The following EXOC2 variants were observed in gnomAD, a reference collection of about 807,000 sequenced individuals.
EXOC2 encodes the protein SEC5-like 1.
EXOC2 carries 70 observed loss-of-function variants against 131.8 expected under a neutral mutation model. The ratio of observed to expected loss-of-function variants is 0.53; its 90% CI spans 0.44 to 0.65. EXOC2 has a LOEUF of 0.65. Ranked by LOEUF, EXOC2 falls within the 30% of genes least tolerant of loss-of-function variation. The pLI, the probability that EXOC2 is intolerant of heterozygous loss-of-function variation, is 0.00. For synonymous variants in EXOC2, 411 were observed against 398.4 expected (o/e 1.03, Z -0.38); for missense variants, 923 against 1,108.6 (o/e 0.83, Z 2.38).
intron 4 of EXOC2, among the ~76,000 whole-genome samples, chr6:625,047 G>A (rs1761486348): frequency 6.6e-6 from 1 of 152,208 alleles, no homozygotes; most frequent in East Asian, 1.9e-4. Flanking sequence ...TTCAGTCACG[G>A]ACAATTCCTG....
intron 13 of EXOC2, among the ~76,000 whole-genome samples, chr6:566,497 G>A (rs2127588348): frequency 6.6e-6 from 1 of 152,282 alleles, no homozygotes; most frequent in South Asian, 2.1e-4. Flanking sequence ...CCCACCTAAC[G>A]CACGCCCGCT....
chr6:608,289 G>A (rs1206053609), intron 7 of EXOC2, among the ~76,000 whole-genome samples: 6 of 152,228 alleles, frequency 3.9e-5, no homozygotes, highest in South Asian at 2.1e-4. Context: ...GGCTTAGCAC[G>A]GGGCTTGACA....
rs1029091956 is a variant in EXOC2 at position 506,676 on chromosome 6, C to T, written c.2381-6976G>A. Among the ~76,000 whole-genome samples, 4 of 151,968 alleles carry T rather than the reference C, an allele frequency of 2.6e-5. No homozygotes were observed. The highest frequency in any genetic ancestry group is 5.9e-5 in the Non-Finnish European group (4 of 67,986). ...ACCCACACAGTATCAACCTAGACTA[C>T]TACCACTTAGCAATTAATCTAGTAG... is the stretch of plus-strand genomic sequence containing the variant. On this transcript the variant is annotated intron_variant, in intron 23 of 27. Coordinates refer to ENST00000230449, the MANE Select transcript of EXOC2 (RefSeq NM_018303.6). This position sits in a 1 kb window ranked among gnomAD's most constrained non-coding sequence, Gnocchi z 4.4.
At chr6:656,371 T>C (rs1345454364) in intron 1 of EXOC2, 2 of 1,614,220 alleles carry the variant, frequency 1.2e-6, no homozygotes, top group South Asian at 1.1e-5. Flanking sequence ...GTCTCTATAC[T>C]CAGGGTCATC....
At chr6:631,044 A>T (rs1217178664) in intron 3 of EXOC2, among the ~76,000 whole-genome samples, 1 of 152,216 alleles carries the variant, frequency 6.6e-6, no homozygotes, top group Non-Finnish European at 1.5e-5. Context: ...AAAAAGAGCC[A>T]AGTGCCAGGG....
chr6:560,729 G>A (rs917285349), intron 17 of EXOC2, among the ~76,000 whole-genome samples: 8 of 149,568 alleles, frequency 5.3e-5, no homozygotes, highest in Non-Finnish European at 1.0e-4. Flanking sequence ...TTTTTGAGAT[G>A]AGAGTTTTGC....
At chr6:495,622 C>T (rs1336691410) in intron 25 of EXOC2, among the ~76,000 whole-genome samples, 6 of 152,182 alleles carry the variant, frequency 3.9e-5, no homozygotes, top group Non-Finnish European at 2.9e-5. Context: ...GGAGCTCTTC[C>T]CTAAGCAGTT....
At chr6:656,691 T>G in intron 1 of EXOC2, 1 of 1,606,014 alleles carries the variant, frequency 6.2e-7, no homozygotes, top group Non-Finnish European at 8.5e-7. Context: ...GGACAGGTGC[T>G]CCGCCGTCAG....
chr6:562,856 A>G lies in EXOC2; in HGVS notation c.1790-11T>C. On this transcript the variant is annotated splice_polypyrimidine_tract_variant and intron_variant, in intron 16 of 27. Transcript: ENST00000230449. ...CTAATCTCTTTATTTCTATATGAGA[A>G]GAAGCACACAAATACTTTATTATAA... 1 of 1,563,238 alleles carries G rather than the reference A, an allele frequency of 6.4e-7. No individual in the cohort carries two copies. Among genetic ancestry groups the G allele is most frequent in the Non-Finnish European group, 8.7e-7 (1 of 1,152,112 alleles).
At chr6:586,927 G>A (rs1469226477) in intron 11 of EXOC2, among the ~76,000 whole-genome samples, 2 of 152,164 alleles carry the variant, frequency 1.3e-5, no homozygotes, top group East Asian at 3.8e-4. Context: ...AGAGCTAAAG[G>A]CATCCACAAA....
In EXOC2 at chr6:486,446, A is replaced by AAT. The variant is rs1763053320; in HGVS notation, c.*224_*225insAT. The AAT allele has an allele frequency of 2.2e-6, 1 of 459,910 alleles. No homozygotes were observed. 28.5% of individuals were successfully genotyped at this position (459,910 alleles called of 1,614,324 possible). Reference sequence around the variant, plus strand: ...ATATTTTAAAATGTATTTTAAAGTCATACAGGATCTGATCTAGTAAGAATG... The same window carrying AAT: ...ATATTTTAAAATGTATTTTAAAGTCAATTACAGGATCTGATCTAGTAAGAATG... On this transcript the variant is annotated 3_prime_UTR_variant, in exon 28 of 28. Coordinates refer to ENST00000230449, the MANE Select transcript of EXOC2 (RefSeq NM_018303.6).
intron 2 of EXOC2, 30 bp from the exon 3 acceptor site, chr6:633,147 T>G: frequency 6.2e-7 from 1 of 1,604,214 alleles, no homozygotes. Context: ...CATAACAAAA[T>G]TCAAAGACAA....
chr6:517,547 A>AGCTT (rs1303363387), intron 23 of EXOC2, among the ~76,000 whole-genome samples: 4 of 13,150 alleles, frequency 3.0e-4, no homozygotes, highest in Non-Finnish European at 4.4e-4. Context: ...TAATGAAAAA[A>AGCTT]ACTTAGTGTT....
intron 7 of EXOC2, among the ~76,000 whole-genome samples, chr6:605,003 T>C (rs6911258): frequency 0.68 from 102,693 of 151,840 alleles, 35,788 homozygotes; most frequent in Admixed American, 0.77. Flanking sequence ...TTTGATCACC[T>C]GAATATGTGT....
chr6:680,905 G>T (rs1443997572), intron 1 of EXOC2, among the ~76,000 whole-genome samples: 1 of 152,112 alleles, frequency 6.6e-6, no homozygotes, highest in Admixed American at 6.5e-5. Flanking sequence ...TCAGTGAAAC[G>T]GTGGCCGGGC....
At chr6:579,505 C>T (rs931580090) in intron 11 of EXOC2, among the ~76,000 whole-genome samples, 6 of 152,140 alleles carry the variant, frequency 3.9e-5, no homozygotes, top group Non-Finnish European at 5.9e-5. Context: ...GGAATACATT[C>T]GGAAGATGTA....
At chr6:501,058 ATATATATC>A (rs1390848974) in intron 23 of EXOC2, among the ~76,000 whole-genome samples, 68 of 133,560 alleles carry the variant, frequency 5.1e-4, no homozygotes, top group Admixed American at 3.9e-3. Context: ...ATACATATCT[ATATATATC>A]TATATATCTA....
rs758169425 is a variant in EXOC2 at position 610,102 on chromosome 6, C to G, written c.738G>C (p.Leu246=). The G allele has an allele frequency of 1.4e-5, 23 of 1,613,702 alleles. No individual in the cohort carries two copies. In the South Asian group the frequency reaches 2.4e-4, roughly 17 times the overall value. ...GGGTAGTAGGACAAAACTTACTGTT[C>G]AGAACATTCTCCAGTTTCTGCGTCA... ...GSMTQKLENV[L]NRASNTADTL... is the part of the protein sequence containing the mutation. Residue 246 remains leucine, a synonymous_variant, in exon 7 of 28, where the codon CTG becomes CTC. Coordinates refer to ENST00000230449, the MANE Select transcript of EXOC2 (RefSeq NM_018303.6).
At chr6:688,644 CT>C (rs1276698189) in intron 1 of EXOC2, among the ~76,000 whole-genome samples, 3 of 152,228 alleles carry the variant, frequency 2.0e-5, no homozygotes, top group African/African-American at 7.2e-5. Flanking sequence ...CACTACTTCT[CT>C]GGCAACAGTC....
Sources: allele counts gnomAD v4.1 joint callset (sites outside exome capture counted in the v4.1 genomes callset), GRCh38; gene constraint gnomAD v4.1.1; non-coding constraint Gnocchi (gnomAD v3.1); transcripts MANE v1.5; gene names NCBI Gene and HGNC (gene_info 2026-07-23, HGNC 2026-07-21).